The following AFM variants were observed in gnomAD, a reference collection of about 807,000 sequenced individuals.
The protein encoded by AFM is alpha-Alb.
AFM carries 82 observed loss-of-function variants against 68.7 expected under a neutral mutation model. The observed-to-expected ratio is 1.19, with a 90% confidence interval of 1.00 to 1.43. The LOEUF (loss-of-function observed/expected upper bound fraction) is 1.43. Among genes scored for constraint, AFM ranks in the 40% most tolerant of loss-of-function variants. The probability of loss-of-function intolerance (pLI) is 0.00; values close to 1 mark genes in which losing one functional copy is unlikely to be tolerated. For synonymous variants in AFM, 250 were observed against 234.2 expected, an observed-to-expected ratio of 1.07 and a Z score of -0.61; for missense variants, 772 against 701.8, an observed-to-expected ratio of 1.10 and a Z score of -1.13.
chr4:73,492,813 A>G (rs866805169), intron 8 of AFM, among the ~76,000 whole-genome samples: 1 of 150,246 alleles, frequency 6.7e-6, no homozygotes, highest in Non-Finnish European at 1.5e-5. Flanking sequence ...AAAAAAAAGA[A>G]TATTTATTAA....
rs922977739 is a variant in AFM at position 73,499,323 on chromosome 4, C to T, written c.1422+77C>T. 3.2e-5 allele frequency: 41 copies of T among 1,262,488 alleles called. No homozygotes were observed. In the African/African-American group the frequency reaches 5.1e-4, roughly 16 times the overall value. 78.2% of individuals were successfully genotyped at this position (1,262,488 alleles called of 1,614,324 possible). A position where few individuals can be genotyped will look rare whatever the true frequency, so the allele number is the denominator to read the frequency against. On this transcript the variant is annotated intron_variant, in intron 11 of 14. Transcript: ENST00000226355. ...AGAATATTTGCACTCATTGATTTAC[C>T]GTGATTATCCATATTCCTTTCTTCA... is the stretch of plus-strand genomic sequence containing the variant.
At chr4:73,483,871 G>A in intron 1 of AFM, 70 bp from the exon 2 acceptor site, 2 of 1,289,898 alleles carry the variant, frequency 1.6e-6, no homozygotes, top group African/African-American at 1.5e-5. Flanking sequence ...TAAATGCCAT[G>A]TATAGTTATT....
intron 3 of AFM, 151 bp downstream of exon 3, chr4:73,484,541 CT>C (rs543881660): frequency 2.6e-3 from 1,720 of 667,102 alleles, no homozygotes; most frequent in East Asian, 4.4e-3. Flanking sequence ...TTCTTTCCTT[CT>C]TTTTTTTTTC....
In AFM at chr4:73,485,999, G is replaced by T. The variant is rs1560408938; in HGVS notation, c.408G>T (p.Leu136=). ...ACAAGAAATCTGATGTGGGATTTCT[G>T]CCTCCTTTCCCTACCCTGGATCCCG... ...FYNKKSDVGF[L]PPFPTLDPEE... The change falls in exon 4 of 15, where the codon CTG becomes CTT. Residue 136 remains leucine (L), a synonymous_variant. Transcript: ENST00000226355. 2 of 1,613,964 alleles carry T rather than the reference G, an allele frequency of 1.2e-6. No individual in the cohort carries two copies. The highest frequency in any genetic ancestry group is 8.5e-7 in the Non-Finnish European group (1 of 1,179,916).
chr4:73,486,216 T>C (rs963848286), intron 4 of AFM, 143 bp downstream of exon 4: 1 of 753,180 alleles, frequency 1.3e-6, no homozygotes, highest in African/African-American at 1.8e-5. Context: ...GTGTGTCAGA[T>C]ACTGTGCTCA....
At chr4:73,498,528 C>T (rs1323215244) in intron 10 of AFM, among the ~76,000 whole-genome samples, 2 of 152,124 alleles carry the variant, frequency 1.3e-5, no homozygotes, top group African/African-American at 2.4e-5. Context: ...CTCAAGCAAT[C>T]CAACCCTTCG....
intron 7 of AFM, 86 bp downstream of exon 7, chr4:73,488,845 C>T (rs1214774183): frequency 7.8e-7 from 1 of 1,285,350 alleles, no homozygotes; most frequent in Non-Finnish European, 1.1e-6. Context: ...TATGTGGTTA[C>T]TTTGCCACAA....
Position 73,502,881 on chromosome 4 carries a change from C to G in AFM, c.1780-169C>G, listed in dbSNP as rs146958787. Among the ~76,000 whole-genome samples the G allele has an allele frequency of 1.3e-3, 198 of 152,192 alleles. 3 individuals are homozygous for G. Among genetic ancestry groups the G allele is most frequent in the African/African-American group, 4.4e-3 (182 of 41,532 alleles). ...ATGAATTTTTGGCAGTTGTAAAGAG[C>G]CTTTCGGTGTCTATTTTTTCACTAG... On this transcript the variant is annotated intron_variant, in intron 13 of 14. Coordinates refer to ENST00000226355, the MANE Select transcript of AFM (RefSeq NM_001133.2).
At chr4:73,484,455 T>G (rs535920142) in intron 3 of AFM, 65 bp downstream of exon 3, 1 of 425,110 alleles carries the variant, frequency 2.4e-6, no homozygotes, top group African/African-American at 2.4e-5. Context: ...TCTTTCTTTC[T>G]TTCTTTCTTT....
Position 73,486,022 on chromosome 4 carries a change from C to T in AFM, c.431C>T (p.Pro144Leu). 1 of 1,613,926 alleles carries T rather than the reference C, an allele frequency of 6.2e-7. No individual in the cohort carries two copies. The highest frequency in any genetic ancestry group is 2.2e-5 in the East Asian group (1 of 44,878). ...CTGCCTCCTTTCCCTACCCTGGATC[C>T]CGAAGAGAAATGCCAGGCTTATGAA... ...GFLPPFPTLD[P>L]EEKCQAYESN... The change falls in exon 4 of 15, where the codon CCC becomes CTC. Residue 144 changes from proline (P) to leucine (L), a missense_variant. Physicochemically the swap from Pro to Leu is moderately conservative, Grantham distance 98. Coordinates refer to ENST00000226355, the MANE Select transcript of AFM (RefSeq NM_001133.2).
Position 73,491,874 on chromosome 4 carries a change from C to T in AFM, c.846C>T (p.Ser282=). The T allele has an allele frequency of 2.5e-6, 4 of 1,611,790 alleles. No individual in the cohort carries two copies. The East Asian group carries it at 8.9e-5, about 36-fold the overall frequency. Residue 282 remains serine (S), a splice_region_variant and synonymous_variant, in exon 8 of 15, where the codon AGC becomes AGT. Transcript: ENST00000226355. The stretch of plus-strand genomic sequence containing the variant: ...TCTCTCATTCTTATTTGGTACAGAG[C>T]AAGGTTATGAACCATATTTGTTCAA... The part of the protein sequence containing the change: ...GDVVQCIRDT[S]KVMNHICSKQ...
Position 73,487,758 on chromosome 4 carries a change from C to A in AFM, c.650C>A (p.Ser217Tyr). The A allele has an allele frequency of 6.2e-7, 1 of 1,613,098 alleles. No homozygotes were observed. Among genetic ancestry groups the A allele is most frequent in the East Asian group, 2.2e-5 (1 of 44,822 alleles). ...GTCACACAATATTTAAAAGCATTTT[C>A]TTCTTATCAAAAACATGTCTGTGGG... ...IPVTQYLKAF[S>Y]SYQKHVCGAL... Residue 217 changes from serine to tyrosine, a missense_variant, in exon 6 of 15, where the codon TCT becomes TAT. By Grantham distance (144) the Ser-to-Tyr change is moderately radical (BLOSUM62 -2). Transcript: ENST00000226355.
intron 4 of AFM, among the ~76,000 whole-genome samples, 191 bp downstream of exon 4, chr4:73,486,264 G>T (rs150590249): frequency 2.5e-4 from 38 of 152,322 alleles, no homozygotes; most frequent in Middle Eastern, 6.8e-3. Context: ...TATGGACCCT[G>T]CTTACAAGAC....
intron 5 of AFM, among the ~76,000 whole-genome samples, chr4:73,487,388 T>C (rs1720930025): frequency 6.6e-6 from 1 of 152,186 alleles, no homozygotes; most frequent in African/African-American, 2.4e-5. Flanking sequence ...GATGACATTT[T>C]ATCTTTTATC....
At chr4:73,503,202 T>G (rs1721465930) in intron 14 of AFM, 92 bp downstream of exon 14, 2 of 984,398 alleles carry the variant, frequency 2.0e-6, no homozygotes, top group Non-Finnish European at 3.2e-6. Flanking sequence ...TGTCTATTTC[T>G]GGTTCATCCT....
At chr4:73,492,283 C>T (rs949404679) in intron 8 of AFM, among the ~76,000 whole-genome samples, 197 bp downstream of exon 8, 75 of 152,184 alleles carry the variant, frequency 4.9e-4, no homozygotes, top group African/African-American at 1.3e-3. Context: ...TTAAAATAAT[C>T]GCTAGCATTT....
chr4:73,484,490 CTTT>C (rs1720824430), intron 3 of AFM, 100 bp downstream of exon 3: 4 of 791,784 alleles, frequency 5.1e-6, no homozygotes, highest in South Asian at 3.3e-5. Context: ...TTCTTTCTTT[CTTT>C]CTTTCTTTCT....
At chr4:73,488,536 T>A in intron 6 of AFM, 94 bp from the exon 7 acceptor site, 3 of 1,134,236 alleles carry the variant, frequency 2.6e-6, no homozygotes, top group Non-Finnish European at 3.7e-6. Context: ...GTGGCAATAC[T>A]TTTTGTAGCT....
intron 9 of AFM, among the ~76,000 whole-genome samples, chr4:73,496,176 G>A (rs528213528): frequency 6.6e-6 from 1 of 152,302 alleles, no homozygotes; most frequent in Admixed American, 6.5e-5. Flanking sequence ...GGTGTCAGAA[G>A]GGCTGTGTTC....
Sources: gnomAD v4.1 joint callset for allele counts (sites outside exome capture counted in the v4.1 genomes callset) on GRCh38, gnomAD v4.1.1 for gene constraint, MANE v1.5 for transcripts, NCBI Gene and HGNC (gene_info 2026-07-23, HGNC 2026-07-21) for gene names.